The following DENND2A variants were observed in gnomAD, a reference collection of about 807,000 sequenced individuals.
DENND2A encodes DENN domain containing 2A.
A neutral mutation model predicts 105.3 loss-of-function variants in DENND2A; 53 were observed. The ratio of observed to expected loss-of-function variants is 0.50; its 90% CI spans 0.40 to 0.63. The LOEUF is 0.63. Ranked by LOEUF, DENND2A falls within the 30% of genes least tolerant of loss-of-function variation. The pLI is 0.00. For synonymous variants in DENND2A, 522 were observed against 508.4 expected, an observed-to-expected ratio of 1.03 and a Z score of -0.36; for missense variants, 1,138 against 1,279.6, an observed-to-expected ratio of 0.89 and a Z score of 1.69.
intron 12 of DENND2A, among the ~76,000 whole-genome samples, chr7:140,547,166 G>A (rs1319149742): frequency 6.6e-6 from 1 of 152,200 alleles, no homozygotes; most frequent in Non-Finnish European, 1.5e-5. Context: ...CTCCTACTCA[G>A]GAGTGAAGTC....
intron 1 of DENND2A, 80 bp from the exon 2 acceptor site, chr7:140,605,886 TCCAAACTATTTA>T: frequency 6.6e-6 from 1 of 152,052 alleles, no homozygotes; most frequent in Middle Eastern, 3.4e-3. Flanking sequence ...GGGCCCACAC[TCCAAACTATTTA>T]TTCCTGATAG....
At chr7:140,542,884 G>A (rs1796730542) in intron 14 of DENND2A, among the ~76,000 whole-genome samples, 1 of 151,948 alleles carries the variant, frequency 6.6e-6, no homozygotes, top group Non-Finnish European at 1.5e-5. Flanking sequence ...AGTCCTGAAG[G>A]TGACAGCTAG....
At chr7:140,569,357 GC>G (rs1797995979) in intron 7 of DENND2A, among the ~76,000 whole-genome samples, 2 of 152,300 alleles carry the variant, frequency 1.3e-5, no homozygotes, top group African/African-American at 4.8e-5. Context: ...GAAGGTCCTG[GC>G]CCCTTTTGTG....
chr7:140,527,583 G>A lies in DENND2A; in HGVS notation c.2328-88C>T, dbSNP rs970072158. 3.7e-6 allele frequency: 5 copies of A among 1,368,456 alleles called. No individual in the cohort carries two copies. In the African/African-American group the frequency reaches 5.8e-5, roughly 16 times the overall value. 84.8% of individuals were successfully genotyped at this position (1,368,456 alleles called of 1,614,324 possible). A position where few individuals can be genotyped will look rare whatever the true frequency, so the allele number is the denominator to read the frequency against. ...GGGAGAAGGCTCCTCCCAGAGACAG[G>A]ATGACTAGGAAAGGACACACGTGGA... is the stretch of plus-strand genomic sequence containing the variant. On this transcript the variant is annotated intron_variant, in intron 14 of 19. Coordinates refer to ENST00000496613, the MANE Select transcript of DENND2A (RefSeq NM_015689.5). The surrounding 1 kb of genome is among the most constrained non-coding windows in gnomAD (Gnocchi z 4.9).
At chr7:140,539,724 C>A (rs1389961604) in intron 14 of DENND2A, among the ~76,000 whole-genome samples, 1 of 152,262 alleles carries the variant, frequency 6.6e-6, no homozygotes, top group Non-Finnish European at 1.5e-5. Context: ...GGCACAGAGG[C>A]CGCTCAGAGG....
intron 14 of DENND2A, 134 bp downstream of exon 14, chr7:140,544,484 C>A: frequency 8.4e-7 from 1 of 1,197,450 alleles, no homozygotes; most frequent in East Asian, 2.5e-5. Flanking sequence ...TGTGAGTCAC[C>A]GCGCCCAGCC....
At chr7:140,591,016 G>T (rs938759414) in intron 3 of DENND2A, among the ~76,000 whole-genome samples, 1 of 152,228 alleles carries the variant, frequency 6.6e-6, no homozygotes, top group East Asian at 1.9e-4. Context: ...ATGAAGATGG[G>T]GGTGGGCGCA....
At chr7:140,560,765 G>A (rs1797580079) in intron 9 of DENND2A, among the ~76,000 whole-genome samples, 1 of 151,962 alleles carries the variant, frequency 6.6e-6, no homozygotes, top group Non-Finnish European at 1.5e-5. Context: ...GACCCCGTCT[G>A]TACTAAAAAT....
At chr7:140,558,831 C>A (rs1483488395) in intron 10 of DENND2A, among the ~76,000 whole-genome samples, 2 of 136,246 alleles carry the variant, frequency 1.5e-5, no homozygotes, top group African/African-American at 5.5e-5. Context: ...AAGATGGAGT[C>A]TCACTCGGTT....
At chr7:140,554,096 T>G (rs1373522094) in intron 12 of DENND2A, among the ~76,000 whole-genome samples, 1 of 151,746 alleles carries the variant, frequency 6.6e-6, no homozygotes, top group Non-Finnish European at 1.5e-5. Context: ...TGTGGTGGCA[T>G]GTGCCTGTAG....
chr7:140,539,669 G>A (rs576991824), intron 14 of DENND2A, among the ~76,000 whole-genome samples: 11 of 152,340 alleles, frequency 7.2e-5, no homozygotes, highest in African/African-American at 2.4e-4. Context: ...TGACAGGGCC[G>A]TAGGGGGCAT....
chr7:140,533,546 A>G (rs1403650978), intron 14 of DENND2A, among the ~76,000 whole-genome samples: 1 of 152,232 alleles, frequency 6.6e-6, no homozygotes, highest in Non-Finnish European at 1.5e-5. Flanking sequence ...AAAGATGACC[A>G]GCAATGCCGG....
chr7:140,569,493 C>A (rs1798000749), intron 7 of DENND2A, 152 bp downstream of exon 7: 2 of 675,152 alleles, frequency 3.0e-6, no homozygotes, highest in Non-Finnish European at 2.7e-6. Flanking sequence ...AGCTCCCAGC[C>A]CCACCACTGT....
At chr7:140,561,355 T>G (rs1202807752) in intron 9 of DENND2A, among the ~76,000 whole-genome samples, 1 of 152,178 alleles carries the variant, frequency 6.6e-6, no homozygotes, top group Middle Eastern at 3.2e-3. Context: ...ATTTCCTTTA[T>G]AAAAAGTTAA....
chr7:140,540,757 G>A (rs1215071551), intron 14 of DENND2A, among the ~76,000 whole-genome samples: 1 of 151,222 alleles, frequency 6.6e-6, no homozygotes, highest in Admixed American at 6.6e-5. Context: ...TCGCTCTGTC[G>A]CCCAGGCAGG....
At chr7:140,631,641 G>A (rs891476978) in intron 1 of DENND2A, among the ~76,000 whole-genome samples, 1 of 152,182 alleles carries the variant, frequency 6.6e-6, no homozygotes, top group Non-Finnish European at 1.5e-5. Context: ...CTGGAAGGTT[G>A]TCTATGTTTG....
At chr7:140,605,234 G>A (rs532400318) in intron 2 of DENND2A, among the ~76,000 whole-genome samples, 1 of 152,310 alleles carries the variant, frequency 6.6e-6, no homozygotes, top group South Asian at 2.1e-4. Context: ...TTCCAGACTG[G>A]GGTGCAGAGC....
intron 1 of DENND2A, among the ~76,000 whole-genome samples, chr7:140,619,763 G>A (rs2130717878): frequency 6.6e-6 from 1 of 152,118 alleles, no homozygotes; most frequent in African/African-American, 2.4e-5. Context: ...GCCTCCCAAA[G>A]TGCTGGGATT....
chr7:140,523,208 CT>C lies in DENND2A; in HGVS notation c.2665+98del. The C allele has an allele frequency of 9.3e-7, 1 of 1,070,412 alleles. No homozygotes were observed. Among genetic ancestry groups the C allele is most frequent in the Non-Finnish European group, 1.4e-6 (1 of 693,462 alleles). 66.3% of individuals were successfully genotyped at this position (1,070,412 alleles called of 1,614,324 possible). On this transcript the variant is annotated intron_variant, in intron 17 of 19. Transcript: ENST00000496613. This position sits in a 1 kb window ranked among gnomAD's most constrained non-coding sequence, Gnocchi z 4.5. ...CCCTGGTTTCTCTCCTTATGTCTCCCTTGCCCATATTCCTACTTGGCCCTTG... is the reference window on the plus strand; with the variant it reads ...CCCTGGTTTCTCTCCTTATGTCTCCCTGCCCATATTCCTACTTGGCCCTTG...
Sources: gnomAD v4.1 joint callset for allele counts (sites outside exome capture counted in the v4.1 genomes callset) on GRCh38, gnomAD v4.1.1 for gene constraint, Gnocchi (gnomAD v3.1) non-coding constraint, MANE v1.5 for transcripts, NCBI Gene and HGNC (gene_info 2026-07-23, HGNC 2026-07-21) for gene names.